LDAH: variants seen among roughly 807,000 people sequenced by gnomAD.
LDAH encodes lipid droplet associated hydrolase.
A neutral mutation model predicts 29.6 loss-of-function variants in LDAH; 26 were observed. The ratio of observed to expected loss-of-function variants is 0.88; its 90% CI spans 0.64 to 1.22. The LOEUF (loss-of-function observed/expected upper bound fraction) is 1.22, where lower values mean the gene tolerates loss of function less well. Ranked by LOEUF, LDAH falls within the 50% of genes most tolerant of loss-of-function variation. The probability of loss-of-function intolerance (pLI) is 0.00; values close to 1 mark genes in which losing one functional copy is unlikely to be tolerated. For synonymous variants in LDAH, 117 were observed against 133.0 expected (o/e 0.88, Z 0.83); for missense variants, 344 against 387.3 (o/e 0.89, Z 0.94).
intron 3 of LDAH, among the ~76,000 whole-genome samples, chr2:20,780,780 T>C (rs1670141576): frequency 6.6e-6 from 1 of 152,200 alleles, no homozygotes; most frequent in Non-Finnish European, 1.5e-5. Context: ...TGCTCTGCAC[T>C]TTGGTTTTTT....
intron 5 of LDAH, among the ~76,000 whole-genome samples, chr2:20,736,172 T>C (rs965369797): frequency 6.6e-6 from 1 of 152,178 alleles, no homozygotes; most frequent in Non-Finnish European, 1.5e-5. Flanking sequence ...CCAGGTGCGG[T>C]GGCTCACGCC....
chr2:20,688,828 C>CTTTTTTTTT (rs57543886), intron 6 of LDAH, among the ~76,000 whole-genome samples: 1 of 112,018 alleles, frequency 8.9e-6, no homozygotes, highest in Non-Finnish European at 1.8e-5. Context: ...TGGAGGTTTC[C>CTTTTTTTTT]TTTTTTTTTT....
intron 4 of LDAH, among the ~76,000 whole-genome samples, chr2:20,743,580 C>T (rs1179104928): frequency 6.6e-6 from 1 of 152,044 alleles, no homozygotes; most frequent in African/African-American, 2.4e-5. Context: ...AGCACTGTTG[C>T]TATTATTATT....
chr2:20,741,027 T>C (rs1411850220), intron 4 of LDAH, among the ~76,000 whole-genome samples: 3 of 152,240 alleles, frequency 2.0e-5, no homozygotes, highest in African/African-American at 4.8e-5. Flanking sequence ...TGCCATATGA[T>C]GTGGAGCATC....
chr2:20,815,751 T>C lies in LDAH; in HGVS notation c.-3+7286A>G, dbSNP rs551514412. On this transcript the variant is annotated intron_variant, in intron 1 of 6. Transcript: ENST00000237822. ...AACTAATTTGTCACTAACAGACATATCTTTAGGAGGTTCTCCTAAAAAAAA... is the reference window on the plus strand; with the variant it reads ...AACTAATTTGTCACTAACAGACATACCTTTAGGAGGTTCTCCTAAAAAAAA... 5.0e-4 allele frequency among the ~76,000 whole-genome samples: 76 copies of C among 152,188 alleles called. 1 individual carries two copies. The highest frequency in any genetic ancestry group is 9.3e-4 in the Non-Finnish European group (63 of 67,954).
chr2:20,800,476 T>C (rs768365061), intron 2 of LDAH, among the ~76,000 whole-genome samples: 3 of 152,218 alleles, frequency 2.0e-5, no homozygotes, highest in Non-Finnish European at 4.4e-5. Context: ...TAAACATGTA[T>C]GTTCAAACTC....
intron 6 of LDAH, among the ~76,000 whole-genome samples, chr2:20,690,791 CA>C (rs1335739959): frequency 1.3e-5 from 2 of 151,968 alleles, no homozygotes; most frequent in Admixed American, 1.3e-4. Context: ...TATCGGTATG[CA>C]AAAATGAATC....
chr2:20,781,215 ACTC>A (rs1001212497), intron 3 of LDAH, among the ~76,000 whole-genome samples: 3 of 152,172 alleles, frequency 2.0e-5, no homozygotes, highest in Non-Finnish European at 4.4e-5. Flanking sequence ...TATACTCCTA[ACTC>A]CTCAAATTTT....
intron 5 of LDAH, among the ~76,000 whole-genome samples, chr2:20,736,598 C>G (rs185384459): frequency 1.3e-5 from 2 of 152,062 alleles, no homozygotes; most frequent in African/African-American, 4.8e-5. Flanking sequence ...ACTGAAGACA[C>G]AGGAGAAGCT....
At chr2:20,817,114 A>G (rs937681920) in intron 1 of LDAH, among the ~76,000 whole-genome samples, 2 of 152,124 alleles carry the variant, frequency 1.3e-5, no homozygotes, top group African/African-American at 2.4e-5. Context: ...AGAAACAAAG[A>G]AAGACCTTAA....
At chr2:20,687,131 C>G in intron 6 of LDAH, 37 bp from the exon 7 acceptor site, 3 of 1,554,032 alleles carry the variant, frequency 1.9e-6, no homozygotes, top group South Asian at 1.2e-5. Flanking sequence ...TTAGAAAACA[C>G]GTTCCCTTCC....
chr2:20,785,143 C>T (rs900986362), intron 3 of LDAH, among the ~76,000 whole-genome samples: 9 of 152,298 alleles, frequency 5.9e-5, no homozygotes, highest in African/African-American at 1.4e-4. Context: ...TATTCCTTCT[C>T]CGATGCTCTT....
intron 4 of LDAH, among the ~76,000 whole-genome samples, chr2:20,764,177 A>ATG (rs10647267): frequency 0.43 from 65,258 of 151,952 alleles, 15,721 homozygotes; most frequent in Middle Eastern, 0.68. Flanking sequence ...AGAAAAGATA[A>ATG]TGTGTGTGTG....
At position 20,685,073 on chromosome 2, in the gene LDAH, T is replaced by C; in HGVS notation, c.*1830A>G. 1 of 962,488 alleles carries C rather than the reference T, an allele frequency of 1.0e-6. No individual in the cohort carries two copies. The highest frequency in any genetic ancestry group is 1.4e-6 in the Non-Finnish European group (1 of 703,186). 59.6% of individuals were successfully genotyped at this position (962,488 alleles called of 1,614,324 possible). A position where few individuals can be genotyped will look rare whatever the true frequency, so the allele number is the denominator to read the frequency against. ...AGGTCAGAAATGCTGGTAAAACATT[T>C]ATTTCAAAAATTCATTTGGTTTTCA... On this transcript the variant is annotated 3_prime_UTR_variant, in exon 7 of 7. Coordinates refer to ENST00000237822, the MANE Select transcript of LDAH (RefSeq NM_021925.4).
At chr2:20,771,112 T>G (rs548728502) in intron 4 of LDAH, among the ~76,000 whole-genome samples, 128 of 152,336 alleles carry the variant, frequency 8.4e-4, no homozygotes, top group Non-Finnish European at 1.6e-3. Flanking sequence ...TGGAATTTGT[T>G]TAGATAAACA....
At chr2:20,811,864 CTTG>C (rs1672526428) in intron 1 of LDAH, among the ~76,000 whole-genome samples, 1 of 152,070 alleles carries the variant, frequency 6.6e-6, no homozygotes, top group African/African-American at 2.4e-5. Flanking sequence ...TCAAAATAAT[CTTG>C]TTTAGATTAT....
intron 5 of LDAH, among the ~76,000 whole-genome samples, chr2:20,722,320 C>T (rs1019664647): frequency 7.2e-6 from 1 of 139,312 alleles, no homozygotes; most frequent in African/African-American, 2.7e-5. Flanking sequence ...GCAGAGTTTG[C>T]AGTGAGCCGA....
Position 20,815,034 on chromosome 2 carries a change from A to G in LDAH, c.-3+8003T>C, listed in dbSNP as rs141418348. 7.2e-5 allele frequency among the ~76,000 whole-genome samples: 11 copies of G among 152,352 alleles called. No homozygotes were observed. In the East Asian group the frequency reaches 2.1e-3, roughly 29 times the overall value. On this transcript the variant is annotated intron_variant, in intron 1 of 6. Coordinates refer to ENST00000237822, the MANE Select transcript of LDAH (RefSeq NM_021925.4). Reference sequence around the variant, plus strand: ...TATATACAAATAACCTAAAACTGTTACTAGTTTTTCCAAGAAATTCCATGT... The same window carrying G: ...TATATACAAATAACCTAAAACTGTTGCTAGTTTTTCCAAGAAATTCCATGT...
intron 1 of LDAH, among the ~76,000 whole-genome samples, chr2:20,811,784 T>G (rs888588119): frequency 6.6e-6 from 1 of 152,158 alleles, no homozygotes; most frequent in African/African-American, 2.4e-5. Context: ...TCACCTGGCC[T>G]AAACTAGTTC....
Sources: allele counts gnomAD v4.1 joint callset (sites outside exome capture counted in the v4.1 genomes callset), GRCh38; gene constraint gnomAD v4.1.1; transcripts MANE v1.5; gene names NCBI Gene and HGNC (gene_info 2026-07-23, HGNC 2026-07-21).